Variants in PSMD6 observed in about 807,000 individuals in gnomAD.
The protein encoded by PSMD6 is 26S proteasome non-ATPase regulatory subunit 6.
PSMD6 carries 7 observed loss-of-function variants against 44.9 expected under a neutral mutation model. The observed-to-expected ratio is 0.16, with a 90% confidence interval of 0.09 to 0.29. The LOEUF is 0.29. Among genes scored for constraint, PSMD6 ranks in the 10% least tolerant of loss-of-function variants. The pLI, the probability that PSMD6 is intolerant of heterozygous loss-of-function variation, is 1.00. For missense variants in PSMD6, 420 were observed against 482.6 expected, an observed-to-expected ratio of 0.87 and a Z score of 1.21; for synonymous variants, 184 against 172.7, an observed-to-expected ratio of 1.07 and a Z score of -0.51.
At chr3:64,019,200 T>C in intron 3 of PSMD6, 96 bp downstream of exon 3, 2 of 1,451,484 alleles carry the variant, frequency 1.4e-6, no homozygotes, top group Non-Finnish European at 1.9e-6. Context: ...TTGACCAAAC[T>C]TACTAGCTGT....
At chr3:64,011,112 C>A (rs915984623) in intron 6 of PSMD6, 157 bp from the exon 7 acceptor site, 10 of 581,734 alleles carry the variant, frequency 1.7e-5, no homozygotes. Flanking sequence ...CCCTCCTATA[C>A]TGCAGGCTTT....
intron 5 of PSMD6, chr3:64,016,397 T>C (rs1000616884): frequency 6.6e-5 from 10 of 151,890 alleles, no homozygotes; most frequent in African/African-American, 1.2e-4. Flanking sequence ...CCTTTTCCAA[T>C]TGAATTATTT....
At chr3:64,023,824 A>G, upstream of PSMD6, 2 of 1,475,738 alleles carry the variant, frequency 1.4e-6, no homozygotes, top group Non-Finnish European at 9.1e-7. Context: ...TCGAGTCGTT[A>G]CTCTCATTCA....
Position 64,022,331 on chromosome 3 carries a change from C to T in PSMD6, c.338G>A (p.Arg113Gln), listed in dbSNP as rs746885763. 2.5e-6 allele frequency: 4 copies of T among 1,614,172 alleles called. No homozygotes were observed. Among genetic ancestry groups the T allele is most frequent in the South Asian group, 1.1e-5 (1 of 91,078 alleles). Residue 113 changes from arginine to glutamine, a missense_variant, in exon 2 of 8, where the codon CGG becomes CAG. By Grantham distance (43) the Arg-to-Gln change is conservative. Transcript: ENST00000295901. ...ATCTCTACTCACTTTGTCACCTATC[C>T]GGCAGAGGTACTCGGCCTTTGCCAT... The part of the protein sequence containing the change: ...AMMAKAEYLC[R>Q]IGDKEGALTA...
rs1576038995 is a variant in PSMD6, at chr3:64,022,186, T to A, written c.351+132A>T. The A allele has an allele frequency of 3.0e-6, 3 of 1,004,938 alleles. No homozygotes were observed. The East Asian group carries it at 7.5e-5, about 25-fold the overall frequency. The allele number at this position is 1,004,938 out of a possible 1,614,324, so 62.3% of individuals were successfully genotyped here. On this transcript the variant is annotated intron_variant, in intron 2 of 7. Transcript: ENST00000295901. ...TTTCATCTTTACATTGATTCACCAG[T>A]ACAAGCAAGCATGATTACCTTTATA...
In PSMD6 at chr3:64,018,803, A is replaced by G. The variant is rs1451436771; in HGVS notation, c.717+15T>C. 3 of 1,549,994 alleles carry G rather than the reference A, an allele frequency of 1.9e-6. No individual in the cohort carries two copies. Among genetic ancestry groups the G allele is most frequent in the East Asian group, 4.5e-5 (2 of 44,468 alleles). ...AACAAGTCTTTAAATTTGAGTATTA[A>G]AGTTTGGTCATTACCTTTTCCCTGA... is the stretch of plus-strand genomic sequence containing the variant. On this transcript the variant is annotated intron_variant, in intron 4 of 7. Coordinates refer to ENST00000295901, the MANE Select transcript of PSMD6 (RefSeq NM_014814.3).
rs753069756 is a variant in PSMD6 at position 64,019,375 on chromosome 3, T to C, written c.418A>G (p.Ile140Val). ...CCAATCCTAAGGAGATAGAATACAA[T>C]ATCCAATCGGTGACCCAGGGCCACA... ...KTVALGHRLD[I>V]VFYLLRIGLF... is the part of the protein sequence containing the mutation. Residue 140 changes from isoleucine (I) to valine (V), a missense_variant, in exon 3 of 8, where the codon ATT (isoleucine) becomes GTT (valine). Transcript: ENST00000295901. 6.2e-7 allele frequency: 1 copy of C among 1,608,236 alleles called. No homozygotes were observed. Among genetic ancestry groups the C allele is most frequent in the South Asian group, 1.1e-5 (1 of 90,966 alleles).
rs1377338367 is a variant in PSMD6, at chr3:64,013,481, T to C, written c.953A>G (p.Tyr318Cys). ...ACCAACACCAAACGCTTCTGCCATA[T>C]AGCCAAGGGTTAATGACCTATATGA... ...LESYRSLTLG[Y>C]MAEAFGVGVE... The change falls in exon 6 of 8, where the codon TAT becomes TGT. Residue 318 changes from tyrosine to cysteine, a missense_variant. Tyr to Cys is a radical substitution (Grantham distance 194). This residue lies in a region of PSMD6 where 63 missense variants were observed against 112.1 expected (regional missense o/e 0.56). Transcript: ENST00000295901. 2 of 1,606,274 alleles carry C rather than the reference T, an allele frequency of 1.2e-6. No individual in the cohort carries two copies. Among genetic ancestry groups the C allele is most frequent in the East Asian group, 4.5e-5 (2 of 44,484 alleles).
At chr3:64,015,489 C>A (rs1190970642) in intron 5 of PSMD6, 1 of 152,172 alleles carries the variant, frequency 6.6e-6, no homozygotes, top group African/African-American at 2.4e-5. Flanking sequence ...GAAAGGATAA[C>A]CTGAAGCTCC....
intron 5 of PSMD6, 99 bp from the exon 6 acceptor site, chr3:64,013,706 G>A (rs1038852001): frequency 1.0e-5 from 11 of 1,094,620 alleles, no homozygotes; most frequent in Non-Finnish European, 1.1e-5. Flanking sequence ...ACAGATAGAT[G>A]AACAAGTATC....
At chr3:64,012,095 T>C (rs1326922125) in intron 6 of PSMD6, 1 of 152,170 alleles carries the variant, frequency 6.6e-6, no homozygotes, top group Non-Finnish European at 1.5e-5. Context: ...TGTTGGTGTC[T>C]GAAACTTACT....
chr3:64,020,171 A>G (rs987298580), intron 2 of PSMD6, among the ~76,000 whole-genome samples: 4 of 152,224 alleles, frequency 2.6e-5, no homozygotes, highest in Non-Finnish European at 4.4e-5. Flanking sequence ...CTAATGAGAT[A>G]TGTCAAAAGG....
intron 6 of PSMD6, chr3:64,012,001 G>GAGAA (rs2075964292): frequency 6.6e-6 from 1 of 152,132 alleles, no homozygotes; most frequent in Non-Finnish European, 1.5e-5. Flanking sequence ...GACTAGAATT[G>GAGAA]AGAAATGGAA....
intron 6 of PSMD6, chr3:64,011,766 A>AACTAATGAAGGCTTTATCTCCACATT (rs2075958789): frequency 6.6e-6 from 1 of 152,236 alleles, no homozygotes; most frequent in Non-Finnish European, 1.5e-5. Flanking sequence ...GTGTGCCCCT[A>AACTAATGAAGGCTTTATCTCCACATT]ACTAATGAAG....
chr3:64,023,720 A>C, upstream of PSMD6: 1 of 1,488,476 alleles, frequency 6.7e-7, no homozygotes, highest in South Asian at 1.2e-5. Flanking sequence ...CTTTTTAGCT[A>C]TTTTACTTTC....
chr3:64,022,998 T>C, intron 1 of PSMD6: 1 of 1,421,590 alleles, frequency 7.0e-7, no homozygotes, highest in South Asian at 1.5e-5. Flanking sequence ...ACTCTGTGCC[T>C]AGCACAGGGG....
At chr3:64,019,721 T>C in intron 2 of PSMD6, 1 of 336,976 alleles carries the variant, frequency 3.0e-6, no homozygotes, top group South Asian at 8.2e-5. Flanking sequence ...TCACAATTGT[T>C]AAGTATTTTT....
At chr3:64,023,848 A>C, upstream of PSMD6, 1 of 1,463,918 alleles carries the variant, frequency 6.8e-7, no homozygotes, top group Non-Finnish European at 9.2e-7. Flanking sequence ...TATTAAAATC[A>C]TCTTCATGCT....
At chr3:64,019,161 T>C in intron 3 of PSMD6, 124 bp from the exon 4 acceptor site, 1 of 1,389,196 alleles carries the variant, frequency 7.2e-7, no homozygotes, top group South Asian at 1.3e-5. Flanking sequence ...GATATTTAAA[T>C]TATTTTACTA....
Sources: gnomAD v4.1 joint callset for allele counts (sites outside exome capture counted in the v4.1 genomes callset) on GRCh38, gnomAD v4.1.1 for gene constraint, gnomAD v4.1.1 regional missense constraint, MANE v1.5 for transcripts, NCBI Gene and HGNC (gene_info 2026-07-23, HGNC 2026-07-21) for gene names.